DNAH3: variants seen among roughly 807,000 people sequenced by gnomAD.
The protein encoded by DNAH3 is axonemal beta dynein heavy chain 3.
A neutral mutation model predicts 432.5 loss-of-function variants in DNAH3; 332 were observed. The ratio of observed to expected loss-of-function variants is 0.77; its 90% CI spans 0.70 to 0.84. The LOEUF (loss-of-function observed/expected upper bound fraction) is 0.84. Among genes scored for constraint, DNAH3 ranks in the 40% least tolerant of loss-of-function variants. DNAH3 has a pLI of 0.00. For missense variants in DNAH3, 4,861 were observed against 5,114.0 expected, an observed-to-expected ratio of 0.95 and a Z score of 1.51; for synonymous variants, 1,956 against 1,900.2, an observed-to-expected ratio of 1.03 and a Z score of -0.76.
At chr16:20,942,301 A>G (rs142595587) in intron 58 of DNAH3, among the ~76,000 whole-genome samples, 172 of 152,328 alleles carry the variant, frequency 1.1e-3, no homozygotes, top group Non-Finnish European at 2.2e-3. Flanking sequence ...GCCATTCTTC[A>G]GCATTGGAGC....
At chr16:21,003,238 G>T in intron 41 of DNAH3, 31 bp from the exon 42 acceptor site, 1 of 1,441,496 alleles carries the variant, frequency 6.9e-7, no homozygotes, top group Non-Finnish European at 9.6e-7. Context: ...CAGATCATTA[G>T]CACATGAAGG....
chr16:21,021,486 C>T (rs747373483), intron 40 of DNAH3, among the ~76,000 whole-genome samples: 2 of 152,106 alleles, frequency 1.3e-5, no homozygotes, highest in Non-Finnish European at 1.5e-5. Flanking sequence ...CAATGTCAGA[C>T]AAAGACTAAA....
chr16:21,026,375 T>A (rs1321268955), intron 38 of DNAH3, among the ~76,000 whole-genome samples: 1 of 152,048 alleles, frequency 6.6e-6, no homozygotes, highest in Non-Finnish European at 1.5e-5. Flanking sequence ...TACTTATAAA[T>A]GGGAGCTAAA....
chr16:21,081,919 A>T (rs564071764), intron 19 of DNAH3, among the ~76,000 whole-genome samples, 192 bp from the exon 20 acceptor site: 80 of 152,190 alleles, frequency 5.3e-4, no homozygotes, highest in Non-Finnish European at 9.0e-4. Context: ...AATTAAAAAA[A>T]TTTTTTGAGA....
chr16:20,939,432 C>T (rs1194510932), intron 59 of DNAH3, among the ~76,000 whole-genome samples: 13 of 152,026 alleles, frequency 8.6e-5, no homozygotes, highest in Admixed American at 6.6e-4. Flanking sequence ...GCCAACATGG[C>T]GAAATCCTGT....
chr16:20,976,038 C>G (rs901991358), intron 50 of DNAH3, among the ~76,000 whole-genome samples: 2 of 152,104 alleles, frequency 1.3e-5, no homozygotes, highest in African/African-American at 4.8e-5. Context: ...AGCCACCACG[C>G]CCGGCCAAGA....
intron 1 of DNAH3, among the ~76,000 whole-genome samples, chr16:21,155,068 G>T (rs1418878282): frequency 3.3e-5 from 5 of 150,938 alleles, no homozygotes; most frequent in Non-Finnish European, 7.4e-5. Flanking sequence ...TCTTGCCTCA[G>T]CCTCCCCAGT....
At chr16:21,000,440 G>A in exon 43 of DNAH3, 1 of 1,614,102 alleles carries the variant, frequency 6.2e-7, no homozygotes, top group Non-Finnish European at 8.5e-7. Context: ...AACAGCATTG[G>A]AATCTCATGG....
At chr16:21,155,003 G>A (rs959371704) in intron 1 of DNAH3, among the ~76,000 whole-genome samples, 1 of 148,194 alleles carries the variant, frequency 6.7e-6, no homozygotes, top group African/African-American at 2.5e-5. Flanking sequence ...AGGCTGGAGT[G>A]CAGTGGTATG....
chr16:21,094,885 G>A (rs1442317715), intron 18 of DNAH3, among the ~76,000 whole-genome samples: 1 of 152,150 alleles, frequency 6.6e-6, no homozygotes, highest in Admixed American at 6.5e-5. Context: ...ATAAAGCTCA[G>A]TTCCCCTGCA....
chr16:21,154,868 T>A (rs1468123883), intron 1 of DNAH3, among the ~76,000 whole-genome samples: 1 of 152,190 alleles, frequency 6.6e-6, no homozygotes, highest in Non-Finnish European at 1.5e-5. Context: ...ACCAGAATTG[T>A]TTGTTGTCTG....
intron 14 of DNAH3, among the ~76,000 whole-genome samples, chr16:21,108,467 G>T (rs2091996771): frequency 6.6e-6 from 1 of 152,180 alleles, no homozygotes; most frequent in African/African-American, 2.4e-5. Context: ...AAGTAGGCCG[G>T]GTGTGGTGGC....
chr16:21,107,362 C>T (rs976117614), intron 14 of DNAH3, among the ~76,000 whole-genome samples: 24 of 151,414 alleles, frequency 1.6e-4, no homozygotes, highest in Non-Finnish European at 7.4e-5. Context: ...GCCTCAGCCT[C>T]CCGAGTAGCT....
chr16:20,941,267 G>GC, intron 59 of DNAH3, 134 bp downstream of exon 59: 4 of 977,250 alleles, frequency 4.1e-6, no homozygotes, highest in Non-Finnish European at 6.2e-6. Context: ...CCTATTCACA[G>GC]CCCCTATTCA....
chr16:20,955,727 T>C (rs2084532862), intron 54 of DNAH3, among the ~76,000 whole-genome samples: 1 of 152,088 alleles, frequency 6.6e-6, no homozygotes, highest in African/African-American at 2.4e-5. Flanking sequence ...ATATAAGAAA[T>C]GGCATTTGAA....
At chr16:21,061,083 C>T (rs858208) in intron 25 of DNAH3, among the ~76,000 whole-genome samples, 2 of 151,502 alleles carry the variant, frequency 1.3e-5, no homozygotes, top group African/African-American at 2.4e-5. Context: ...AAGAGATCCT[C>T]CTGCCTCAGC....
intron 41 of DNAH3, among the ~76,000 whole-genome samples, chr16:21,017,590 G>T (rs1161942580): frequency 1.3e-5 from 2 of 152,166 alleles, no homozygotes; most frequent in Non-Finnish European, 2.9e-5. Context: ...TCACTAAAAT[G>T]TATAAAACCG....
At chr16:20,988,857 A>C (rs1309065657) in intron 44 of DNAH3, among the ~76,000 whole-genome samples, 1 of 151,840 alleles carries the variant, frequency 6.6e-6, no homozygotes, top group Non-Finnish European at 1.5e-5. Context: ...TGGGTTCGTC[A>C]TCTCGCTGGC....
At chr16:21,142,747 A>G (rs758847877) in intron 3 of DNAH3, among the ~76,000 whole-genome samples, 7 of 150,372 alleles carry the variant, frequency 4.7e-5, no homozygotes, top group Non-Finnish European at 7.4e-5. Flanking sequence ...TCAACCACCC[A>G]GGCTCAGGTG....
Sources: gnomAD v4.1 joint callset for allele counts (sites outside exome capture counted in the v4.1 genomes callset) on GRCh38, gnomAD v4.1.1 for gene constraint, MANE v1.5 for transcripts, NCBI Gene and HGNC (gene_info 2026-07-23, HGNC 2026-07-21) for gene names.